Variants in ZSCAN4 observed in about 807,000 individuals in gnomAD.
ZSCAN4 encodes the protein zinc finger and SCAN domain-containing protein 4.
ZSCAN4 carries 18 observed loss-of-function variants against 18.3 expected under a neutral mutation model. That is an observed-to-expected ratio of 0.98 (90% CI 0.68 to 1.46). The LOEUF (loss-of-function observed/expected upper bound fraction) is 1.46, where lower values mean the gene tolerates loss of function less well. ZSCAN4 is among the 40% of genes most tolerant of loss of function. The pLI is 0.00. For synonymous variants in ZSCAN4, 193 were observed against 180.3 expected, an observed-to-expected ratio of 1.07 and a Z score of -0.57; for missense variants, 498 against 511.4, an observed-to-expected ratio of 0.97 and a Z score of 0.25.
At chr19:57,673,752 T>TG (rs1568451157) in intron 2 of ZSCAN4, among the ~76,000 whole-genome samples, 39 of 150,310 alleles carry the variant, frequency 2.6e-4, no homozygotes, top group South Asian at 8.4e-4. Context: ...TGATGATGAT[T>TG]ATTATTATTA....
the ZSCAN4 span, among the ~76,000 whole-genome samples, chr19:57,655,531 T>C: frequency 6.6e-6 from 1 of 152,188 alleles, no homozygotes; most frequent in African/African-American, 2.4e-5. Flanking sequence ...GTGTCTATGC[T>C]GCTGGCCTCA....
At chr19:57,671,209 C>T (rs1341819792) in intron 2 of ZSCAN4, among the ~76,000 whole-genome samples, 2 of 151,988 alleles carry the variant, frequency 1.3e-5, no homozygotes, top group African/African-American at 2.4e-5. Context: ...AGCTGGGTGT[C>T]ATTAGAGATC....
chr19:57,678,106 A>G, intron 4 of ZSCAN4, 27 bp downstream of exon 4: 1 of 1,589,860 alleles, frequency 6.3e-7, no homozygotes, highest in South Asian at 1.2e-5. Context: ...TGCACAACTG[A>G]GGAGTGTTCT....
At chr19:57,651,727 C>T in the ZSCAN4 span, among the ~76,000 whole-genome samples, 14 of 152,212 alleles carry the variant, frequency 9.2e-5, no homozygotes, top group South Asian at 4.1e-4. Flanking sequence ...AGCGGCAGCT[C>T]ATCCCAGGTG....
the ZSCAN4 span, among the ~76,000 whole-genome samples, chr19:57,653,830 C>A: frequency 6.6e-6 from 1 of 152,182 alleles, no homozygotes; most frequent in African/African-American, 2.4e-5. Context: ...AAACCTTGCC[C>A]CATCTGTGGT....
At chr19:57,661,449 T>C in the ZSCAN4 span, among the ~76,000 whole-genome samples, 1 of 152,156 alleles carries the variant, frequency 6.6e-6, no homozygotes, top group Non-Finnish European at 1.5e-5. Context: ...TTGTTACTGG[T>C]AGAATCAATG....
At chr19:57,676,766 C>T (rs943868758) in intron 3 of ZSCAN4, among the ~76,000 whole-genome samples, 2 of 152,154 alleles carry the variant, frequency 1.3e-5, no homozygotes, top group East Asian at 3.8e-4. Flanking sequence ...CATATAGGAG[C>T]CAAACATATT....
the ZSCAN4 span, among the ~76,000 whole-genome samples, chr19:57,657,506 C>G: frequency 2.0e-5 from 3 of 152,164 alleles, no homozygotes; most frequent in Admixed American, 6.5e-5. Context: ...TAAACTGGAG[C>G]TCTCATACAT....
the ZSCAN4 span, among the ~76,000 whole-genome samples, chr19:57,661,963 C>A: frequency 1.3e-5 from 2 of 151,954 alleles, no homozygotes; most frequent in East Asian, 3.9e-4. Flanking sequence ...CGCCTGTAGT[C>A]CCAGCTACTC....
Position 57,672,576 on chromosome 19 carries a change from T to C in ZSCAN4, c.-106+2009T>C, listed in dbSNP as rs1056546126. The stretch of plus-strand genomic sequence containing the variant: ...AAATGATTACCACGATCAAGCTAGT[T>C]AACATATTCATCACCTCACATAGTT... On this transcript the variant is annotated intron_variant, in intron 2 of 4. Coordinates refer to ENST00000318203, the Ensembl canonical transcript of ZSCAN4. 1.6e-4 allele frequency among the ~76,000 whole-genome samples: 24 copies of C among 152,032 alleles called. 1 individual carries two copies. In the East Asian group the frequency reaches 3.3e-3, roughly 21 times the overall value.
At chr19:57,653,896 C>A in the ZSCAN4 span, among the ~76,000 whole-genome samples, 2 of 152,180 alleles carry the variant, frequency 1.3e-5, no homozygotes, top group South Asian at 2.1e-4. Flanking sequence ...TCCTGCTTGA[C>A]CACCTCTAAC....
At chr19:57,675,205 T>A (rs982412519) in intron 2 of ZSCAN4, among the ~76,000 whole-genome samples, 6 of 144,832 alleles carry the variant, frequency 4.1e-5, no homozygotes, top group African/African-American at 1.6e-4. Flanking sequence ...TGGAGTGCAG[T>A]GGCGCAATCT....
In ZSCAN4 at chr19:57,673,868, C is replaced by T. The variant is rs1290855501; in HGVS notation, c.-105-2173C>T. Among the ~76,000 whole-genome samples, 3 of 152,168 alleles carry T rather than the reference C, an allele frequency of 2.0e-5. No individual in the cohort carries two copies. The East Asian group carries it at 5.8e-4, about 29-fold the overall frequency. ...TCCCAAGTTCAACCCATTCTCCTTG[C>T]TCAGCCTCCCGAGTAGCTGCGATTA... On this transcript the variant is annotated intron_variant, in intron 2 of 4. Coordinates refer to ENST00000318203, the Ensembl canonical transcript of ZSCAN4.
At chr19:57,666,416 C>A (rs1175543322), upstream of ZSCAN4, among the ~76,000 whole-genome samples, 1 of 152,132 alleles carries the variant, frequency 6.6e-6, no homozygotes, top group African/African-American at 2.4e-5. Context: ...ACGGGAGGTG[C>A]AGGGCTGCCT....
At chr19:57,657,556 T>C in the ZSCAN4 span, among the ~76,000 whole-genome samples, 1 of 152,186 alleles carries the variant, frequency 6.6e-6, no homozygotes, top group Non-Finnish European at 1.5e-5. Context: ...TGGAAAACAC[T>C]GTAGCCGTTA....
At chr19:57,670,064 G>C (rs146393159) in intron 1 of ZSCAN4, among the ~76,000 whole-genome samples, 181 bp from the exon 2 acceptor site, 2 of 151,700 alleles carry the variant, frequency 1.3e-5, no homozygotes, top group Admixed American at 1.3e-4. Context: ...CACCATGCCC[G>C]GCTAATTTTT....
intron 2 of ZSCAN4, among the ~76,000 whole-genome samples, chr19:57,673,092 A>G (rs1048773469): frequency 1.3e-5 from 2 of 152,136 alleles, no homozygotes; most frequent in Non-Finnish European, 2.9e-5. Flanking sequence ...TCTGTCGCCC[A>G]GGCTGGAGTG....
chr19:57,663,879 C>CA, the ZSCAN4 span, among the ~76,000 whole-genome samples: 1 of 152,176 alleles, frequency 6.6e-6, no homozygotes, highest in Non-Finnish European at 1.5e-5. Flanking sequence ...GTAATCCCAC[C>CA]ACTGTGGGAG....
At chr19:57,659,371 T>A in the ZSCAN4 span, among the ~76,000 whole-genome samples, 3 of 151,580 alleles carry the variant, frequency 2.0e-5, no homozygotes, top group African/African-American at 4.9e-5. Flanking sequence ...AAAAATGACC[T>A]GACCCACAAA....
Sources: gnomAD v4.1 joint callset for allele counts (sites outside exome capture counted in the v4.1 genomes callset) on GRCh38, gnomAD v4.1.1 for gene constraint, MANE v1.5 for transcripts, NCBI Gene and HGNC (gene_info 2026-07-23, HGNC 2026-07-21) for gene names.